SPATA13: variants seen among roughly 807,000 people sequenced by gnomAD.
SPATA13 encodes the protein spermatogenesis-associated protein 13.
A neutral mutation model predicts 104.0 loss-of-function variants in SPATA13; 50 were observed. The ratio of observed to expected loss-of-function variants is 0.48; its 90% CI spans 0.38 to 0.61. The LOEUF (loss-of-function observed/expected upper bound fraction) is 0.61. Ranked by LOEUF, SPATA13 falls within the 20% of genes least tolerant of loss-of-function variation. The pLI, the probability that SPATA13 is intolerant of heterozygous loss-of-function variation, is 0.00. For missense variants in SPATA13, 1,524 were observed against 1,690.6 expected (o/e 0.90, Z 1.73); for synonymous variants, 606 against 667.5 (o/e 0.91, Z 1.42).
chr13:24,210,766 G>GT (rs58789886), intron 1 of SPATA13, among the ~76,000 whole-genome samples: 8,428 of 137,368 alleles, frequency 0.061, 889 homozygotes, highest in African/African-American at 0.21. Context: ...GAATTTTAGG[G>GT]TTTTTTTTTT....
At chr13:24,156,062 A>G (rs148818065), upstream of SPATA13, among the ~76,000 whole-genome samples, 59 of 152,260 alleles carry the variant, frequency 3.9e-4, no homozygotes, top group African/African-American at 1.3e-3. Flanking sequence ...TATTTACTAC[A>G]TCTTGTTTAT....
chr13:24,223,765 C>T lies in SPATA13; in HGVS notation c.836C>T (p.Thr279Met), dbSNP rs772563734. The T allele has an allele frequency of 4.2e-5, 65 of 1,551,762 alleles. No homozygotes were observed. Among genetic ancestry groups the T allele is most frequent in the South Asian group, 1.3e-4 (11 of 84,074 alleles). ...KSTSNLADLRTAHDARVPQRT... is the reference protein window; with the variant it reads ...KSTSNLADLRMAHDARVPQRT... ...ACCTCCAATCTTGCAGACCTCAGGA[C>T]GGCCCATGACGCACGGGTACCACAG... The change falls in exon 2 of 13, where the codon ACG becomes ATG. Residue 279 changes from threonine (T) to methionine (M), a missense_variant. By Grantham distance (81) the Thr-to-Met change is moderately conservative. Around this residue, in one of 2 missense-constraint regions of SPATA13, gnomAD observed 1,089 missense variants for 1,135.9 expected, o/e 0.96. Coordinates refer to ENST00000382108, the MANE Select transcript of SPATA13 (RefSeq NM_001166271.3).
intron 3 of SPATA13, among the ~76,000 whole-genome samples, chr13:24,135,042 G>A (rs1441109484): frequency 4.6e-5 from 7 of 152,114 alleles, no homozygotes; most frequent in Non-Finnish European, 1.0e-4. Flanking sequence ...AAGCCAGAAA[G>A]AAAAGACAGG....
At chr13:24,258,635 C>CT (rs566375466) in intron 4 of SPATA13, among the ~76,000 whole-genome samples, 71 of 151,174 alleles carry the variant, frequency 4.7e-4, no homozygotes, top group South Asian at 3.6e-3. Flanking sequence ...CACCACTGCA[C>CT]CCAGCCTGGG....
At chr13:24,300,319 C>A in intron 11 of SPATA13, 82 bp from the exon 12 acceptor site, 3 of 1,056,110 alleles carry the variant, frequency 2.8e-6, no homozygotes, top group African/African-American at 1.6e-5. Flanking sequence ...AACCTCAATG[C>A]TGATATGGGC....
At chr13:23,994,243 C>T (rs1286894421) in intron 2 of SPATA13, among the ~76,000 whole-genome samples, 3 of 152,080 alleles carry the variant, frequency 2.0e-5, no homozygotes, top group African/African-American at 7.2e-5. Context: ...AAACCTATGG[C>T]AAAACTATAA....
At chr13:24,247,736 G>A (rs1206876979) in intron 2 of SPATA13, among the ~76,000 whole-genome samples, 1 of 152,014 alleles carries the variant, frequency 6.6e-6, no homozygotes, top group African/African-American at 2.4e-5. Context: ...GCCCATCTTG[G>A]CCTCCCAAAG....
chr13:24,190,669 A>T (rs1477371230), intron 1 of SPATA13, among the ~76,000 whole-genome samples: 1 of 152,056 alleles, frequency 6.6e-6, no homozygotes, highest in Non-Finnish European at 1.5e-5. Flanking sequence ...GAAGTGCTGC[A>T]ATCTCATGAT....
chr13:24,094,990 A>T (rs1360163509), intron 3 of SPATA13, among the ~76,000 whole-genome samples: 2 of 152,198 alleles, frequency 1.3e-5, no homozygotes, highest in Non-Finnish European at 2.9e-5. Flanking sequence ...ACTATGTAAA[A>T]CATGGAGATT....
chr13:24,052,537 G>C (rs1284997990), intron 3 of SPATA13, among the ~76,000 whole-genome samples: 1 of 148,414 alleles, frequency 6.7e-6, no homozygotes, highest in Non-Finnish European at 1.5e-5. Context: ...TTAATGTTCT[G>C]GGCAGTTGTG....
At chr13:24,229,671 T>C (rs1872151091) in intron 2 of SPATA13, among the ~76,000 whole-genome samples, 1 of 152,190 alleles carries the variant, frequency 6.6e-6, no homozygotes, top group Non-Finnish European at 1.5e-5. Flanking sequence ...ATGGAGAAGT[T>C]CTTCAAACAG....
At chr13:24,044,373 C>T (rs1248960748) in intron 3 of SPATA13, among the ~76,000 whole-genome samples, 2 of 152,048 alleles carry the variant, frequency 1.3e-5, no homozygotes, top group South Asian at 2.1e-4. Context: ...GCTGGGACTA[C>T]AGGCACCTGC....
chr13:24,223,108 C>A lies in SPATA13; in HGVS notation c.179C>A (p.Thr60Lys). Residue 60 changes from threonine to lysine, a missense_variant, in exon 2 of 13, where the codon ACG (threonine) becomes AAG (lysine). Around this residue, in one of 2 missense-constraint regions of SPATA13, gnomAD observed 1,089 missense variants for 1,135.9 expected, o/e 0.96. Coordinates refer to ENST00000382108, the MANE Select transcript of SPATA13 (RefSeq NM_001166271.3). ...GVCGCSPGGD[T>K]DTQEAKLSPA... Reference sequence around the variant, plus strand: ...TGTGGCTGCAGCCCTGGTGGCGACACGGACACCCAGGAAGCCAAACTCAGC... The same window carrying A: ...TGTGGCTGCAGCCCTGGTGGCGACAAGGACACCCAGGAAGCCAAACTCAGC... The A allele has an allele frequency of 6.4e-7, 1 of 1,551,722 alleles. No individual in the cohort carries two copies. The highest frequency in any genetic ancestry group is 8.7e-7 in the Non-Finnish European group (1 of 1,147,006).
chr13:24,002,143 T>C (rs892505308), intron 2 of SPATA13, among the ~76,000 whole-genome samples: 4 of 151,938 alleles, frequency 2.6e-5, no homozygotes, highest in Non-Finnish European at 5.9e-5. Context: ...AAAAGCAGTG[T>C]CATAGCTTTT....
At chr13:24,192,690 T>C (rs1869830250) in intron 1 of SPATA13, among the ~76,000 whole-genome samples, 1 of 152,112 alleles carries the variant, frequency 6.6e-6, no homozygotes, top group South Asian at 2.1e-4. Flanking sequence ...ACAGATAGGC[T>C]TACCCGCTTC....
chr13:23,993,742 G>C (rs1875528922), intron 2 of SPATA13, among the ~76,000 whole-genome samples: 1 of 152,194 alleles, frequency 6.6e-6, no homozygotes, highest in Non-Finnish European at 1.5e-5. Context: ...TGCTTTTTAA[G>C]GGGATCTCTA....
chr13:24,183,530 G>A (rs983780898), intron 1 of SPATA13, among the ~76,000 whole-genome samples: 1 of 152,116 alleles, frequency 6.6e-6, no homozygotes, highest in African/African-American at 2.4e-5. Flanking sequence ...CGGGCCACAT[G>A]CAGCCCAAGA....
intron 3 of SPATA13, among the ~76,000 whole-genome samples, chr13:24,087,885 C>A (rs1178092646): frequency 6.6e-6 from 1 of 152,206 alleles, no homozygotes; most frequent in Non-Finnish European, 1.5e-5. Context: ...ACCAGACACT[C>A]CTGGTCCCAC....
intron 9 of SPATA13, among the ~76,000 whole-genome samples, chr13:24,294,201 A>G (rs776209161): frequency 6.6e-6 from 1 of 152,194 alleles, no homozygotes; most frequent in Non-Finnish European, 1.5e-5. Flanking sequence ...AAGCACCAGA[A>G]AGGAAGATCT....
Sources: allele counts gnomAD v4.1 joint callset (sites outside exome capture counted in the v4.1 genomes callset), GRCh38; gene constraint gnomAD v4.1.1; regional missense constraint gnomAD v4.1.1; transcripts MANE v1.5; gene names NCBI Gene and HGNC (gene_info 2026-07-23, HGNC 2026-07-21).